DRC11: variants seen among roughly 807,000 people sequenced by gnomAD.
DRC11 encodes the protein dynein regulatory complex subunit 11, also known as IQ and AAA domain-containing protein 1.
chr2:236,363,644 G>A, the DRC11 span: 1 of 713,662 alleles, frequency 1.4e-6, no homozygotes, highest in Non-Finnish European at 2.4e-6. The surrounding 1 kb of genome is among the most constrained non-coding windows in gnomAD (Gnocchi z 5.6). Flanking sequence ...ACGCAATAAT[G>A]AAGTAATTTG....
chr2:236,331,563 TC>T, the DRC11 span: 1 of 1,613,834 alleles, frequency 6.2e-7, no homozygotes, highest in Non-Finnish European at 8.5e-7. This position sits in a 1 kb window ranked among gnomAD's most constrained non-coding sequence, Gnocchi z 4.8. Context: ...TGGTGAGGAC[TC>T]CTCCATTGCG....
At chr2:236,425,135 C>T in the DRC11 span, among the ~76,000 whole-genome samples, 6 of 152,014 alleles carry the variant, frequency 3.9e-5, no homozygotes, top group African/African-American at 1.2e-4. Context: ...GTAGTGCAGA[C>T]ATCTCTTTGA....
At chr2:236,392,797 GCCT>G in the DRC11 span, among the ~76,000 whole-genome samples, 2 of 152,166 alleles carry the variant, frequency 1.3e-5, no homozygotes, top group East Asian at 1.9e-4. The surrounding 1 kb of genome is among the most constrained non-coding windows in gnomAD (Gnocchi z 5.1). Flanking sequence ...ATTATCCCTT[GCCT>G]CCTATTACAA....
chr2:236,440,957 T>A, the DRC11 span: 1 of 830,834 alleles, frequency 1.2e-6, no homozygotes, highest in Middle Eastern at 3.3e-4. Context: ...CAAGACCTAA[T>A]AACGCTATAA....
At chr2:236,481,540 C>T in the DRC11 span, among the ~76,000 whole-genome samples, 1 of 152,116 alleles carries the variant, frequency 6.6e-6, no homozygotes, top group Admixed American at 6.5e-5. Context: ...GCTGGATATT[C>T]GTTTTTGATT....
the DRC11 span, among the ~76,000 whole-genome samples, chr2:236,421,185 C>T: frequency 6.6e-6 from 1 of 152,218 alleles, no homozygotes; most frequent in Non-Finnish European, 1.5e-5. Context: ...CAAAAGCTAG[C>T]AGCAGGCAAA....
At chr2:236,426,273 A>G in the DRC11 span, among the ~76,000 whole-genome samples, 3 of 151,942 alleles carry the variant, frequency 2.0e-5, no homozygotes, top group Admixed American at 6.5e-5. The surrounding 1 kb of genome is among the most constrained non-coding windows in gnomAD (Gnocchi z 4.1). Flanking sequence ...TGAGTACAGG[A>G]TATCTTTCTA....
the DRC11 span, among the ~76,000 whole-genome samples, chr2:236,320,978 C>T: frequency 2.0e-5 from 3 of 152,102 alleles, no homozygotes; most frequent in Non-Finnish European, 4.4e-5. Context: ...CGTGGATGGC[C>T]AATAGGCTCA....
chr2:236,357,027 A>ATATTTATATATTCATATATATC, the DRC11 span, among the ~76,000 whole-genome samples: 3 of 109,366 alleles, frequency 2.7e-5, no homozygotes, highest in Admixed American at 1.0e-4. Flanking sequence ...ATATATCTAT[A>ATATTTATATATTCATATATATC]TATTTATATA....
the DRC11 span, chr2:236,364,108 A>G: frequency 6.6e-6 from 5 of 756,510 alleles, no homozygotes; most frequent in Admixed American, 2.8e-5. Flanking sequence ...AGGCGTCCAA[A>G]GCATTTCAAA....
chr2:236,353,528 C>T, the DRC11 span, among the ~76,000 whole-genome samples: 1 of 152,058 alleles, frequency 6.6e-6, no homozygotes, highest in Non-Finnish European at 1.5e-5. The surrounding 1 kb of genome is among the most constrained non-coding windows in gnomAD (Gnocchi z 5.0). Context: ...CCCAGATGAC[C>T]CCTGGACGTT....
At chr2:236,424,701 T>C in the DRC11 span, among the ~76,000 whole-genome samples, 2 of 151,990 alleles carry the variant, frequency 1.3e-5, no homozygotes, top group African/African-American at 4.8e-5. Flanking sequence ...ATTAAAAATA[T>C]ACAATATAAT....
the DRC11 span, among the ~76,000 whole-genome samples, chr2:236,358,357 AAT>A: frequency 7.6e-6 from 1 of 131,216 alleles, no homozygotes; most frequent in African/African-American, 2.8e-5. Context: ...ATACTATATG[AAT>A]ATATAATATA....
the DRC11 span, among the ~76,000 whole-genome samples, chr2:236,459,611 A>ATACGTATACATATATACG: frequency 6.3e-5 from 9 of 142,358 alleles, no homozygotes; most frequent in African/African-American, 1.9e-4. Flanking sequence ...ATATATACGT[A>ATACGTATACATATATACG]TATAAGTATA....
the DRC11 span, chr2:236,488,012 G>T: frequency 5.7e-6 from 9 of 1,588,280 alleles, 1 homozygote; most frequent in Admixed American, 1.6e-4. Flanking sequence ...TCTGAATGCG[G>T]AGTGCAGCAG....
the DRC11 span, among the ~76,000 whole-genome samples, chr2:236,473,908 ATC>A: frequency 6.6e-6 from 1 of 152,222 alleles, no homozygotes; most frequent in Non-Finnish European, 1.5e-5. This position sits in a 1 kb window ranked among gnomAD's most constrained non-coding sequence, Gnocchi z 4.8. Flanking sequence ...TATGCCAAGC[ATC>A]TCCTAAAGAT....
chr2:236,451,469 C>T, the DRC11 span, among the ~76,000 whole-genome samples: 1 of 152,072 alleles, frequency 6.6e-6, no homozygotes, highest in Non-Finnish European at 1.5e-5. Flanking sequence ...TTGCCAGATA[C>T]TGTTCTGGGA....
the DRC11 span, among the ~76,000 whole-genome samples, chr2:236,425,052 C>T: frequency 6.6e-6 from 1 of 151,952 alleles, no homozygotes; most frequent in African/African-American, 2.4e-5. Flanking sequence ...TTATGTTTAT[C>T]CGTTCATCTA....
At chr2:236,435,792 T>C in the DRC11 span, among the ~76,000 whole-genome samples, 1 of 152,170 alleles carries the variant, frequency 6.6e-6, no homozygotes, top group Admixed American at 6.5e-5. Flanking sequence ...TTGGTAGAGT[T>C]GAGTAGTGCC....
Sources: gnomAD v4.1 joint callset for allele counts (sites outside exome capture counted in the v4.1 genomes callset) on GRCh38, gnomAD v4.1.1 for gene constraint, Gnocchi (gnomAD v3.1) non-coding constraint, MANE v1.5 for transcripts, NCBI Gene and HGNC (gene_info 2026-07-23, HGNC 2026-07-21) for gene names.